The following IL6R variants were observed in gnomAD, a reference collection of about 807,000 sequenced individuals.
The protein encoded by IL6R is interleukin-6 receptor subunit alpha.
IL6R carries 38 observed loss-of-function variants against 48.3 expected under a neutral mutation model. The ratio of observed to expected loss-of-function variants is 0.79; its 90% CI spans 0.61 to 1.03. IL6R has a LOEUF of 1.03. Among genes scored for constraint, IL6R ranks in the 50% least tolerant of loss-of-function variants. The probability of loss-of-function intolerance (pLI) is 0.00; values close to 1 mark genes in which losing one functional copy is unlikely to be tolerated. For synonymous variants in IL6R, 264 were observed against 256.2 expected, an observed-to-expected ratio of 1.03 and a Z score of -0.29; for missense variants, 534 against 618.3, an observed-to-expected ratio of 0.86 and a Z score of 1.45.
chr1:154,458,400 C>T (rs1691044439), intron 9 of IL6R, among the ~76,000 whole-genome samples: 1 of 152,162 alleles, frequency 6.6e-6, no homozygotes, highest in South Asian at 2.1e-4. Context: ...AGTGAGGGGC[C>T]ATGTCAGCAT....
In IL6R at chr1:154,430,483, T is replaced by G; in HGVS notation, c.335T>G (p.Val112Gly). ...GACACCTGCAATGCTTTCCTTTCAG[T>G]TCCCCCCGAGGAGCCCCAGCTCTCC... ...PAGTVHLLVD[V>G]PPEEPQLSCF... Residue 112 changes from valine to glycine, a missense_variant and splice_region_variant, in exon 3 of 10, where the codon GTT (valine) becomes GGT (glycine). Coordinates refer to ENST00000368485, the MANE Select transcript of IL6R (RefSeq NM_000565.4). 1.9e-6 allele frequency: 3 copies of G among 1,612,662 alleles called. No individual in the cohort carries two copies. The highest frequency in any genetic ancestry group is 1.7e-6 in the Non-Finnish European group (2 of 1,179,660).
intron 6 of IL6R, among the ~76,000 whole-genome samples, chr1:154,441,712 G>A (rs567427188): frequency 6.6e-6 from 1 of 152,208 alleles, no homozygotes; most frequent in African/African-American, 2.4e-5. Context: ...CGTGTGGGGT[G>A]AGCTTACCCA....
chr1:154,421,565 TTCCC>T (rs1688665184), intron 1 of IL6R, among the ~76,000 whole-genome samples: 1 of 152,208 alleles, frequency 6.6e-6, no homozygotes, highest in South Asian at 2.1e-4. Context: ...TAGGTCTTCC[TTCCC>T]TCCTTACTGC....
intron 1 of IL6R, among the ~76,000 whole-genome samples, chr1:154,413,122 C>T (rs1688129585): frequency 6.6e-6 from 1 of 152,090 alleles, no homozygotes; most frequent in Non-Finnish European, 1.5e-5. Flanking sequence ...CTGCCTCAGC[C>T]TCCCGAGTAG....
intron 3 of IL6R, among the ~76,000 whole-genome samples, chr1:154,434,006 C>T (rs1234386558): frequency 1.3e-5 from 2 of 151,730 alleles, no homozygotes; most frequent in African/African-American, 2.4e-5. Flanking sequence ...GAATTACAGG[C>T]GTGAGCCACC....
At chr1:154,446,095 T>C (rs1690212755) in intron 6 of IL6R, among the ~76,000 whole-genome samples, 1 of 152,084 alleles carries the variant, frequency 6.6e-6, no homozygotes, top group Non-Finnish European at 1.5e-5. Context: ...TAGCTTTCAT[T>C]CTAGTGCCTC....
At position 154,417,736 on chromosome 1, in the gene IL6R, A is replaced by AT. The variant is rs34478341; in HGVS notation, c.86-11439dup. On this transcript the variant is annotated intron_variant, in intron 1 of 9. Transcript: ENST00000368485. ...AGGCATGCACCACTATGCCCAGCTA[A>AT]TTTTTTTTTTTTTTTTTTTTTGAGA... is the stretch of plus-strand genomic sequence containing the variant. Among the ~76,000 whole-genome samples the AT allele has an allele frequency of 4.0e-3, 433 of 109,082 alleles. 7 individuals carry two copies. Among genetic ancestry groups the AT allele is most frequent in the African/African-American group, 0.013 (381 of 28,672 alleles). 71.6% of individuals were successfully genotyped at this position (109,082 alleles called of 152,430 possible).
At chr1:154,407,635 G>A (rs1280787253) in intron 1 of IL6R, among the ~76,000 whole-genome samples, 1 of 152,244 alleles carries the variant, frequency 6.6e-6, no homozygotes, top group Admixed American at 6.5e-5. Flanking sequence ...TCGCTTTAGA[G>A]AAGTGAGGAG....
chr1:154,443,690 G>C (rs1558320538), intron 6 of IL6R, among the ~76,000 whole-genome samples: 1 of 152,214 alleles, frequency 6.6e-6, no homozygotes, highest in Non-Finnish European at 1.5e-5. Context: ...GGGTTGTGAG[G>C]CTTCAGTGAG....
In IL6R at chr1:154,454,493, G is replaced by C; in HGVS notation, c.1072G>C (p.Asp358His). ...CAATTTTTTTTTTAACCTAGTGCAA[G>C]ATTCTTCTTCAGTACCACTGCCCAC... Reference protein sequence around the residue: ...SANATSLPVQDSSSVPLPTFL... With the variant: ...SANATSLPVQHSSSVPLPTFL... Residue 358 changes from aspartate to histidine, a missense_variant, in exon 9 of 10, where the codon GAT becomes CAT. Transcript: ENST00000368485. The C allele has an allele frequency of 6.2e-7, 1 of 1,609,054 alleles. No homozygotes were observed. The highest frequency in any genetic ancestry group is 1.1e-5 in the South Asian group (1 of 90,874).
Position 154,435,036 on chromosome 1 carries a change from A to C in IL6R, c.687A>C (p.Arg229Ser). The stretch of plus-strand genomic sequence containing the variant: ...ACATCACAGTCACTGCCGTGGCCAG[A>C]AACCCCCGCTGGCTCAGTGTCACCT... ...PANITVTAVA[R>S]NPRWLSVTWQ... The change falls in exon 5 of 10, where the codon AGA (arginine) becomes AGC (serine). Residue 229 changes from arginine (R) to serine (S), a missense_variant. Arg to Ser is a moderately radical substitution (Grantham distance 110, BLOSUM62 -1). Transcript: ENST00000368485. 1.2e-6 allele frequency: 2 copies of C among 1,614,160 alleles called. No homozygotes were observed. Among genetic ancestry groups the C allele is most frequent in the South Asian group, 2.2e-5 (2 of 91,082 alleles).
Position 154,405,529 on chromosome 1 carries a change from GCCCGCCC to G in IL6R, c.-100_-94del. The G allele has an allele frequency of 5.1e-6, 2 of 388,502 alleles. No homozygotes were observed. The highest frequency in any genetic ancestry group is 9.3e-6 in the Non-Finnish European group (2 of 214,590). 24.1% of individuals were successfully genotyped at this position (388,502 alleles called of 1,614,324 possible). A position where few individuals can be genotyped will look rare whatever the true frequency, so the allele number is the denominator to read the frequency against. The stretch of plus-strand genomic sequence containing the variant: ...CTGCCCCCGGGGCCTGAGCCCGCCT[GCCCGCCC>G]ACCGCCCCGCCCCGCCCCTGCCACC... On this transcript the variant is annotated 5_prime_UTR_variant, in exon 1 of 10. Transcript: ENST00000368485. This position sits in a 1 kb window ranked among gnomAD's most constrained non-coding sequence, Gnocchi z 5.2.
At chr1:154,448,102 A>G (rs372768823) in intron 6 of IL6R, 23 bp from the exon 7 acceptor site, 2 of 1,609,832 alleles carry the variant, frequency 1.2e-6, no homozygotes, top group African/African-American at 2.7e-5. Flanking sequence ...ATCACTAATA[A>G]TGAGCCTTTC....
At chr1:154,454,197 C>G (rs980709641) in intron 8 of IL6R, 14 of 454,024 alleles carry the variant, frequency 3.1e-5, no homozygotes, top group South Asian at 1.9e-4. Context: ...TGGCTAGCCA[C>G]AGGCGCTCAG....
At chr1:154,437,221 C>T (rs1027527167) in intron 6 of IL6R, among the ~76,000 whole-genome samples, 4 of 151,754 alleles carry the variant, frequency 2.6e-5, no homozygotes, top group African/African-American at 7.3e-5. Flanking sequence ...CTCAGCCTGC[C>T]GAGCAGCCGG....
intron 6 of IL6R, among the ~76,000 whole-genome samples, chr1:154,436,671 T>C (rs1226047577): frequency 6.6e-6 from 1 of 152,134 alleles, no homozygotes; most frequent in Admixed American, 6.5e-5. Flanking sequence ...GGCCCTGGGT[T>C]CTCCCTGTGG....
intron 1 of IL6R, among the ~76,000 whole-genome samples, chr1:154,417,908 T>A (rs1201945848): frequency 1.3e-5 from 2 of 152,096 alleles, no homozygotes; most frequent in African/African-American, 4.8e-5. Context: ...CTAATTTTTG[T>A]ATTTTTAGTA....
Position 154,434,541 on chromosome 1 carries a change from T to C in IL6R, c.481T>C (p.Phe161Leu). The C allele has an allele frequency of 6.2e-7, 1 of 1,613,858 alleles. No individual in the cohort carries two copies. Among genetic ancestry groups the C allele is most frequent in the Non-Finnish European group, 8.5e-7 (1 of 1,179,960 alleles). Residue 161 changes from phenylalanine to leucine, a missense_variant, in exon 4 of 10, where the codon TTC becomes CTC. Physicochemically the swap from Phe to Leu is conservative, Grantham distance 22. Transcript: ENST00000368485. ...RKFQNSPAED[F>L]QEPCQYSQES... is the part of the protein sequence containing the mutation. Reference sequence around the variant, plus strand: ...CAGTCAGAACAGTCCGGCCGAAGACTTCCAGGAGCCGTGCCAGTATTCCCA... The same window carrying C: ...CAGTCAGAACAGTCCGGCCGAAGACCTCCAGGAGCCGTGCCAGTATTCCCA...
chr1:154,433,012 T>G (rs1035662624), intron 3 of IL6R, among the ~76,000 whole-genome samples: 6 of 152,198 alleles, frequency 3.9e-5, no homozygotes, highest in Non-Finnish European at 7.3e-5. Flanking sequence ...GCCTCTGCCT[T>G]GGACCAGGCG....
Sources: allele counts gnomAD v4.1 joint callset (sites outside exome capture counted in the v4.1 genomes callset), GRCh38; gene constraint gnomAD v4.1.1; non-coding constraint Gnocchi (gnomAD v3.1); transcripts MANE v1.5; gene names NCBI Gene and HGNC (gene_info 2026-07-23, HGNC 2026-07-21).